CTTNBP2: variants seen among roughly 807,000 people sequenced by gnomAD.
The protein encoded by CTTNBP2 is cortactin binding protein 2.
In CTTNBP2, 108 loss-of-function variants were observed where a neutral mutation model predicts 156.9. The ratio of observed to expected loss-of-function variants is 0.69; its 90% CI spans 0.59 to 0.81. The LOEUF (loss-of-function observed/expected upper bound fraction) is 0.81, where lower values mean the gene tolerates loss of function less well. Among genes scored for constraint, CTTNBP2 ranks in the 30% least tolerant of loss-of-function variants. CTTNBP2 has a pLI of 0.00. For missense variants in CTTNBP2, 1,924 were observed against 2,035.4 expected (o/e 0.95, Z 1.05); for synonymous variants, 767 against 751.8 (o/e 1.02, Z -0.33).
chr7:117,857,255 T>G (rs1029984464), intron 2 of CTTNBP2, among the ~76,000 whole-genome samples: 2 of 152,234 alleles, frequency 1.3e-5, no homozygotes, highest in Non-Finnish European at 2.9e-5. Context: ...CTTTATGCAA[T>G]TCAGATTTTT....
At chr7:117,833,299 AT>A (rs1325092677) in intron 2 of CTTNBP2, among the ~76,000 whole-genome samples, 4 of 152,072 alleles carry the variant, frequency 2.6e-5, no homozygotes, top group Non-Finnish European at 5.9e-5. Flanking sequence ...CTCCTGACTG[AT>A]CCTGGTGCTT....
intron 8 of CTTNBP2, among the ~76,000 whole-genome samples, chr7:117,768,581 A>AAAAAGGAAG (rs1554419704): frequency 1.0e-4 from 10 of 99,112 alleles, no homozygotes; most frequent in Non-Finnish European, 1.5e-4. Flanking sequence ...AAAAAAAAAA[A>AAAAAGGAAG]AAAGAAAGAA....
rs371370767 is a variant in CTTNBP2, at chr7:117,779,165, T to G, written c.2523+1276A>C. 2.0e-5 allele frequency among the ~76,000 whole-genome samples: 3 copies of G among 152,204 alleles called. No individual in the cohort carries two copies. The East Asian group carries it at 5.8e-4, about 29-fold the overall frequency. ...CTTCAATCAGCTCCATTCAGGCGTG[T>G]TCTTCACTGGGTTGTGGACACCTTT... is the stretch of plus-strand genomic sequence containing the variant. On this transcript the variant is annotated intron_variant, in intron 7 of 22. Transcript: ENST00000160373.
At chr7:117,793,462 C>A (rs34128994) in intron 3 of CTTNBP2, 2,740 of 152,462 alleles carry the variant, frequency 0.018, 31 homozygotes, top group South Asian at 0.031. Context: ...GCTGGATGCC[C>A]GGAGTTTCCT....
At chr7:117,873,233 C>A (rs1210730331) in intron 1 of CTTNBP2, 102 bp downstream of exon 1, 2 of 913,126 alleles carry the variant, frequency 2.2e-6, no homozygotes, top group Non-Finnish European at 1.5e-6. Flanking sequence ...CCCGGGCTTA[C>A]GGAACGCCCC....
Position 117,826,248 on chromosome 7 carries a change from A to G in CTTNBP2, c.190-15259T>C, listed in dbSNP as rs756746184. 6.9e-4 allele frequency among the ~76,000 whole-genome samples: 105 copies of G among 152,304 alleles called. No homozygotes were observed. In the Middle Eastern group the frequency reaches 0.01, roughly 15 times the overall value. ...CACCATTATCAACACTTACAGAAAC[A>G]TGCATGAACATAACACTCCATGCAG... On this transcript the variant is annotated intron_variant, in intron 2 of 22. Coordinates refer to ENST00000160373, the MANE Select transcript of CTTNBP2 (RefSeq NM_033427.3).
intron 4 of CTTNBP2, among the ~76,000 whole-genome samples, 191 bp downstream of exon 4, chr7:117,790,937 T>G (rs1209718821): frequency 6.6e-6 from 1 of 150,408 alleles, no homozygotes; most frequent in Non-Finnish European, 1.5e-5. Flanking sequence ...GCAATTCATA[T>G]AGCAAGATGA....
chr7:117,772,513 T>G (rs1483242127), intron 8 of CTTNBP2, among the ~76,000 whole-genome samples: 1 of 152,046 alleles, frequency 6.6e-6, no homozygotes, highest in East Asian at 1.9e-4. Context: ...GAAGCAAAAA[T>G]GAATGTGGTC....
At chr7:117,719,840 A>G (rs1794681974) in intron 20 of CTTNBP2, among the ~76,000 whole-genome samples, 1 of 152,180 alleles carries the variant, frequency 6.6e-6, no homozygotes, top group Non-Finnish European at 1.5e-5. Context: ...AGAGGATAAA[A>G]TTTTGTTTCA....
intron 2 of CTTNBP2, among the ~76,000 whole-genome samples, chr7:117,817,299 A>C (rs1483515936): frequency 3.6e-5 from 5 of 138,844 alleles, no homozygotes; most frequent in African/African-American, 1.3e-4. Flanking sequence ...GTGCCACTGC[A>C]CTCCAGCCTG....
At chr7:117,832,151 C>T (rs1801649035) in intron 2 of CTTNBP2, among the ~76,000 whole-genome samples, 1 of 152,142 alleles carries the variant, frequency 6.6e-6, no homozygotes, top group Admixed American at 6.5e-5. Context: ...CACCTGAAAC[C>T]TGAGTGTCCA....
rs758906444 is a variant in CTTNBP2 at position 117,791,599 on chromosome 7, C to T, written c.1597G>A (p.Gly533Ser). ...TTTCCTCTGTCAACTCGTGCTACAC[C>T]ATGAGTCTTTAAACTGGTCCGACCA... ...PVGRTSLKTH[G>S]VARVDRGNPP... The change falls in exon 4 of 23, where the codon GGT becomes AGT. Residue 533 changes from glycine (G) to serine (S), a missense_variant. Transcript: ENST00000160373. The T allele has an allele frequency of 1.9e-6, 3 of 1,614,162 alleles. No homozygotes were observed. The highest frequency in any genetic ancestry group is 1.1e-5 in the South Asian group (1 of 91,086).
At chr7:117,758,206 G>A (rs1420689034) in intron 10 of CTTNBP2, 5 of 494,206 alleles carry the variant, frequency 1.0e-5, no homozygotes, top group Non-Finnish European at 1.8e-5. Context: ...GCCCATAGGA[G>A]GGATTCAGGG....
At chr7:117,846,358 C>T (rs6955977) in intron 2 of CTTNBP2, among the ~76,000 whole-genome samples, 14,228 of 151,804 alleles carry the variant, frequency 0.094, 800 homozygotes, top group African/African-American at 0.17. Flanking sequence ...TTGTATAACT[C>T]GTTTATAATT....
At position 117,847,819 on chromosome 7, in the gene CTTNBP2, C is replaced by CTTTTTTTTTTTTTTTTTT. The variant is rs201419286; in HGVS notation, c.189+13372_189+13389dup. ...TTTTTATAGATCTTCTTTGCCTAACCTTTTTTTTTTTTTTTTTTTTTTTTT... is the reference window on the plus strand; with the variant it reads ...TTTTTATAGATCTTCTTTGCCTAACCTTTTTTTTTTTTTTTTTTTTTTTTTTTTTTTTTTTTTTTTTTT... On this transcript the variant is annotated intron_variant, in intron 2 of 22. Transcript: ENST00000160373. Among the ~76,000 whole-genome samples the CTTTTTTTTTTTTTTTTTT allele has an allele frequency of 3.3e-4, 30 of 91,360 alleles. 5 individuals are homozygous for CTTTTTTTTTTTTTTTTTT. The highest frequency in any genetic ancestry group is 1.3e-3 in the African/African-American group (28 of 21,010). 59.9% of individuals were successfully genotyped at this position (91,360 alleles called of 152,430 possible).
chr7:117,801,320 G>C (rs750673742), intron 3 of CTTNBP2, among the ~76,000 whole-genome samples: 2 of 152,156 alleles, frequency 1.3e-5, no homozygotes, highest in African/African-American at 4.8e-5. Context: ...ACATGCAAAA[G>C]CTGAATAAAA....
intron 2 of CTTNBP2, among the ~76,000 whole-genome samples, chr7:117,816,068 G>A (rs1800558018): frequency 6.6e-6 from 1 of 152,192 alleles, no homozygotes; most frequent in Non-Finnish European, 1.5e-5. Context: ...TTGTTGGAGG[G>A]AAGTCTCCTT....
intron 2 of CTTNBP2, among the ~76,000 whole-genome samples, chr7:117,811,625 T>C (rs1662895622): frequency 6.6e-6 from 1 of 152,252 alleles, no homozygotes; most frequent in African/African-American, 2.4e-5. Flanking sequence ...ATCAGAAATA[T>C]TGACAATTAA....
At chr7:117,846,886 T>C (rs890546422) in intron 2 of CTTNBP2, among the ~76,000 whole-genome samples, 1 of 152,014 alleles carries the variant, frequency 6.6e-6, no homozygotes, top group Non-Finnish European at 1.5e-5. Flanking sequence ...AAAAAATATA[T>C]ATATACTCTC....
Sources: allele counts gnomAD v4.1 joint callset (sites outside exome capture counted in the v4.1 genomes callset), GRCh38; gene constraint gnomAD v4.1.1; transcripts MANE v1.5; gene names NCBI Gene and HGNC (gene_info 2026-07-23, HGNC 2026-07-21).